PAICS: variants seen among roughly 807,000 people sequenced by gnomAD.
The protein encoded by PAICS is bifunctional phosphoribosylaminoimidazole carboxylase/phosphoribosylaminoimidazole succinocarboxamide synthetase.
PAICS carries 33 observed loss-of-function variants against 53.7 expected under a neutral mutation model. That is an observed-to-expected ratio of 0.61 (90% CI 0.47 to 0.82). The LOEUF (loss-of-function observed/expected upper bound fraction) is 0.82, where lower values mean the gene tolerates loss of function less well. Among genes scored for constraint, PAICS ranks in the 40% least tolerant of loss-of-function variants. The probability of loss-of-function intolerance (pLI) is 0.00; values close to 1 mark genes in which losing one functional copy is unlikely to be tolerated. For synonymous variants in PAICS, 141 were observed against 167.2 expected (o/e 0.84, Z 1.21); for missense variants, 394 against 494.1 (o/e 0.80, Z 1.92).
chr4:56,415,045 G>C, the PAICS span, among the ~76,000 whole-genome samples: 1 of 152,108 alleles, frequency 6.6e-6, no homozygotes. Context: ...AACCCTAATA[G>C]AGTTTTTAAG....
Position 56,448,539 on chromosome 4 carries a change from T to C in PAICS, c.515T>C (p.Ile172Thr). ...ATCATGAGTCATGCTACACAGGCTA[T>C]ATTTGAAATACTGGAGAAATCCTGG... ...VDIMSHATQA[I>T]FEILEKSWLP... The change falls in exon 4 of 9, where the codon ATA (isoleucine) becomes ACA (threonine). Residue 172 changes from isoleucine to threonine, a missense_variant. Transcript: ENST00000512576. 3 of 1,610,782 alleles carry C rather than the reference T, an allele frequency of 1.9e-6. No individual in the cohort carries two copies. Among genetic ancestry groups the C allele is most frequent in the Non-Finnish European group, 2.5e-6 (3 of 1,177,714 alleles).
chr4:56,426,049 CCA>C, the PAICS span, among the ~76,000 whole-genome samples: 1 of 152,126 alleles, frequency 6.6e-6, no homozygotes, highest in Admixed American at 6.5e-5. Flanking sequence ...TTTAGTATAT[CCA>C]CAGTTATACA....
At chr4:56,438,371 T>TATATATATATATATATATATGTGTATATA in intron 1 of PAICS, among the ~76,000 whole-genome samples, 1 of 113,636 alleles carries the variant, frequency 8.8e-6, no homozygotes, top group Non-Finnish European at 1.9e-5. Flanking sequence ...TGCAATGTGT[T>TATATATATATATATATATATGTGTATATA]TATATATATA....
upstream of PAICS, chr4:56,435,685 A>G: frequency 6.9e-7 from 1 of 1,449,916 alleles, no homozygotes; most frequent in Non-Finnish European, 9.1e-7. Context: ...GAGTCCACCA[A>G]CGAGCGAGGG....
At chr4:56,410,899 TAAAAAAAAAAAAA>T in the PAICS span, 429 of 678,048 alleles carry the variant, frequency 6.3e-4, no homozygotes, top group African/African-American at 3.0e-3. Flanking sequence ...CCACTGAAGG[TAAAAAAAAAAAAA>T]AAAAAAAAAA....
At chr4:56,437,530 T>G (rs984273319) in intron 1 of PAICS, among the ~76,000 whole-genome samples, 11 of 151,908 alleles carry the variant, frequency 7.2e-5, no homozygotes, top group Admixed American at 6.6e-4. Flanking sequence ...TTTAAAAAGC[T>G]GTAGACTCAG....
the PAICS span, among the ~76,000 whole-genome samples, chr4:56,417,842 GTTT>G: frequency 3.7e-5 from 5 of 136,156 alleles, no homozygotes; most frequent in East Asian, 4.2e-4. Context: ...TTGGTTTTTT[GTTT>G]TTTTTTTTTT....
At chr4:56,420,788 C>T in the PAICS span, 1 of 151,886 alleles carries the variant, frequency 6.6e-6, no homozygotes, top group Non-Finnish European at 1.5e-5. Context: ...TCTCTGAGAC[C>T]CATCATAAAT....
intron 8 of PAICS, among the ~76,000 whole-genome samples, chr4:56,454,194 G>A (rs1241381955): frequency 6.6e-6 from 1 of 152,156 alleles, no homozygotes; most frequent in Non-Finnish European, 1.5e-5. Context: ...TAGATTCTGG[G>A]ATTAGTAGGT....
At chr4:56,450,468 T>C (rs951817980) in intron 5 of PAICS, 151 bp from the exon 6 acceptor site, 6 of 576,896 alleles carry the variant, frequency 1.0e-5, no homozygotes, top group Admixed American at 6.1e-5. Flanking sequence ...TATGGAACTT[T>C]GTTAGTTTAA....
chr4:56,412,422 A>G, the PAICS span, among the ~76,000 whole-genome samples: 7 of 151,364 alleles, frequency 4.6e-5, no homozygotes, highest in Non-Finnish European at 1.0e-4. Context: ...GATCCTCCCA[A>G]CTCAGCCTCC....
At chr4:56,437,161 G>A (rs1718042346) in intron 1 of PAICS, among the ~76,000 whole-genome samples, 1 of 151,006 alleles carries the variant, frequency 6.6e-6, no homozygotes, top group Non-Finnish European at 1.5e-5. Flanking sequence ...TTGATGTCAT[G>A]GGTGTGTATG....
At chr4:56,424,220 T>C in the PAICS span, among the ~76,000 whole-genome samples, 2 of 152,232 alleles carry the variant, frequency 1.3e-5, no homozygotes, top group East Asian at 3.8e-4. Context: ...AAGCTTTTCT[T>C]TACTTCAAAT....
At chr4:56,454,797 G>C (rs1415548564) in intron 8 of PAICS, among the ~76,000 whole-genome samples, 2 of 151,314 alleles carry the variant, frequency 1.3e-5, no homozygotes, top group African/African-American at 4.9e-5. Context: ...TCATGGTATT[G>C]ATTTTTTTTT....
At chr4:56,449,805 CAAAAA>C (rs753536092) in intron 5 of PAICS, among the ~76,000 whole-genome samples, 3 of 92,610 alleles carry the variant, frequency 3.2e-5, no homozygotes, top group African/African-American at 1.2e-4. Flanking sequence ...AACCTTGTCT[CAAAAA>C]AAAAAAAAAA....
In PAICS at chr4:56,459,436, G is replaced by C; in HGVS notation, c.1176G>C (p.Gly392=). 6.2e-7 allele frequency: 1 copy of C among 1,608,538 alleles called. No homozygotes were observed. The highest frequency in any genetic ancestry group is 8.5e-7 in the Non-Finnish European group (1 of 1,175,770). The change falls in exon 9 of 9, where the codon GGG becomes GGC. Residue 392 remains glycine, a synonymous_variant. Transcript: ENST00000512576. ...GSAQFAAQIF[G]LSNHLVWSKL... ...CTCAATTTGCTGCTCAGATATTTGG[G>C]TTAAGCAACCATTTGGTATGGAGCA...
the PAICS span, among the ~76,000 whole-genome samples, chr4:56,427,531 G>A: frequency 1.3e-5 from 2 of 151,992 alleles, no homozygotes; most frequent in Non-Finnish European, 2.9e-5. Context: ...GAGGCACTAG[G>A]CATGGTGGTA....
intron 8 of PAICS, among the ~76,000 whole-genome samples, chr4:56,457,908 G>A (rs1719306033): frequency 6.6e-6 from 1 of 152,016 alleles, no homozygotes; most frequent in Admixed American, 6.6e-5. Context: ...GGCCTTGTGT[G>A]TTCATGCCTA....
At chr4:56,453,528 C>CAAAAA (rs58717604) in intron 7 of PAICS, 75 bp from the exon 8 acceptor site, 8 of 879,806 alleles carry the variant, frequency 9.1e-6, no homozygotes, top group African/African-American at 3.7e-5. Context: ...GGCCTTAAAC[C>CAAAAA]AAAAAAAAAA....
Sources: allele counts gnomAD v4.1 joint callset (sites outside exome capture counted in the v4.1 genomes callset), GRCh38; gene constraint gnomAD v4.1.1; transcripts MANE v1.5; gene names NCBI Gene and HGNC (gene_info 2026-07-23, HGNC 2026-07-21).